PCDHGA1: variants seen among roughly 807,000 people sequenced by gnomAD.
PCDHGA1 encodes protocadherin gamma subfamily A, 1, also known as protocadherin gamma-A1.
PCDHGA1 carries 32 observed loss-of-function variants against 58.0 expected under a neutral mutation model. The ratio of observed to expected loss-of-function variants is 0.55; its 90% CI spans 0.42 to 0.74. The LOEUF (loss-of-function observed/expected upper bound fraction) is 0.74. Among genes scored for constraint, PCDHGA1 ranks in the 30% least tolerant of loss-of-function variants. The pLI is 0.00. For synonymous variants in PCDHGA1, 498 were observed against 501.1 expected, an observed-to-expected ratio of 0.99 and a Z score of 0.08; for missense variants, 1,205 against 1,182.3, an observed-to-expected ratio of 1.02 and a Z score of -0.28.
chr5:141,360,110 G>C, intron 1 of PCDHGA1: 1 of 1,563,268 alleles, frequency 6.4e-7, no homozygotes, highest in Non-Finnish European at 8.7e-7. Flanking sequence ...TCCTCCTATG[G>C]GCAAAGGAGC....
intron 1 of PCDHGA1, chr5:141,385,196 G>C (rs760255338): frequency 3.7e-5 from 60 of 1,614,112 alleles, no homozygotes; most frequent in Non-Finnish European, 5.1e-5. Flanking sequence ...TCTCGGAAGA[G>C]TCACCTGATC....
At chr5:141,376,180 G>T (rs113596971) in intron 1 of PCDHGA1, 6 of 1,614,100 alleles carry the variant, frequency 3.7e-6, no homozygotes, top group East Asian at 2.2e-5. Context: ...CGGTGGCCGC[G>T]GTCTCCTGCG....
Position 141,345,686 on chromosome 5 carries a change from C to T in PCDHGA1, c.2421+12581C>T, listed in dbSNP as rs1470833777. The T allele has an allele frequency of 5.6e-6, 9 of 1,614,238 alleles. No individual in the cohort carries two copies. The Middle Eastern group carries it at 4.9e-4, about 89-fold the overall frequency. On this transcript the variant is annotated intron_variant, in intron 1 of 3. Coordinates refer to ENST00000517417, the MANE Select transcript of PCDHGA1 (RefSeq NM_018912.3). ...GCAGCAACGTGTCGCTGAACCTGTTCGTGCTGGACCAGAACGACAACGCGC... is the reference window on the plus strand; with the variant it reads ...GCAGCAACGTGTCGCTGAACCTGTTTGTGCTGGACCAGAACGACAACGCGC...
chr5:141,362,218 G>T, intron 1 of PCDHGA1: 1 of 1,614,032 alleles, frequency 6.2e-7, no homozygotes, highest in South Asian at 1.1e-5. Context: ...CCTGGTTGTG[G>T]CCTTGGCCTT....
intron 1 of PCDHGA1, chr5:141,343,972 G>A: frequency 7.2e-7 from 1 of 1,390,454 alleles, no homozygotes; most frequent in Non-Finnish European, 9.7e-7. Context: ...GAGAAAATAA[G>A]ATTGGAGTCC....
Position 141,432,224 on chromosome 5 carries a change from T to C in PCDHGA1, c.2422-62583T>C. On this transcript the variant is annotated intron_variant, in intron 1 of 3. Transcript: ENST00000517417. The surrounding 1 kb of genome is among the most constrained non-coding windows in gnomAD (Gnocchi z 6.0). The stretch of plus-strand genomic sequence containing the variant: ...CTGTGAAGAGAACGCCCAGATCACT[T>C]ATTCCCTGGCTGAGAACACCATCCA... 6.2e-7 allele frequency: 1 copy of C among 1,614,138 alleles called. No homozygotes were observed. Among genetic ancestry groups the C allele is most frequent in the Non-Finnish European group, 8.5e-7 (1 of 1,180,024 alleles).
In PCDHGA1 at chr5:141,487,072, T is replaced by C. The variant is rs754589618; in HGVS notation, c.2422-7735T>C. On this transcript the variant is annotated intron_variant, in intron 1 of 3. Coordinates refer to ENST00000517417, the MANE Select transcript of PCDHGA1 (RefSeq NM_018912.3). This position sits in a 1 kb window ranked among gnomAD's most constrained non-coding sequence, Gnocchi z 5.0. ...CTGGGGAGGTGCGGACGGCTGTTCCTATCCCAGCTGACCTCCCACCACAGA... is the reference window on the plus strand; with the variant it reads ...CTGGGGAGGTGCGGACGGCTGTTCCCATCCCAGCTGACCTCCCACCACAGA... 8.1e-6 allele frequency: 13 copies of C among 1,614,010 alleles called. No homozygotes were observed. Among genetic ancestry groups the C allele is most frequent in the Non-Finnish European group, 1.1e-5 (13 of 1,179,966 alleles).
chr5:141,390,479 T>C lies in PCDHGA1; in HGVS notation c.2421+57374T>C, dbSNP rs143576019. On this transcript the variant is annotated intron_variant, in intron 1 of 3. Coordinates refer to ENST00000517417, the MANE Select transcript of PCDHGA1 (RefSeq NM_018912.3). Reference sequence around the variant, plus strand: ...GTAGGAGCAATTGTGTGGCCCAACATTTGTTTGTTTTTTAGCCAAGCTTAG... The same window carrying C: ...GTAGGAGCAATTGTGTGGCCCAACACTTGTTTGTTTTTTAGCCAAGCTTAG... 1.6e-3 allele frequency: 1,064 copies of C among 668,890 alleles called. 6 individuals are homozygous for C. The highest frequency in any genetic ancestry group is 0.016 in the African/African-American group (871 of 55,142). The allele number at this position is 668,890 out of a possible 1,614,324, so 41.4% of individuals were successfully genotyped here.
intron 1 of PCDHGA1, chr5:141,340,618 C>G: frequency 6.2e-7 from 1 of 1,614,204 alleles, no homozygotes; most frequent in East Asian, 2.2e-5. Context: ...TATCATTAAG[C>G]CTGTTCGTGC....
At chr5:141,415,508 A>G in intron 1 of PCDHGA1, 2 of 1,614,168 alleles carry the variant, frequency 1.2e-6, no homozygotes, top group Non-Finnish European at 1.7e-6. Flanking sequence ...CCCCAGCCCA[A>G]TTATGCGGAC....
At chr5:141,500,728 T>C (rs556463739) in intron 2 of PCDHGA1, among the ~76,000 whole-genome samples, 1 of 152,310 alleles carries the variant, frequency 6.6e-6, no homozygotes, top group South Asian at 2.1e-4. Context: ...CCCATGTCTT[T>C]CAAAATTCTT....
At chr5:141,498,954 A>G (rs1180380627) in intron 2 of PCDHGA1, among the ~76,000 whole-genome samples, 2 of 134,538 alleles carry the variant, frequency 1.5e-5, no homozygotes, top group Non-Finnish European at 3.2e-5. Context: ...AGAAAAAGAG[A>G]GAGAGGGAGG....
Position 141,332,469 on chromosome 5 carries a change from C to T in PCDHGA1, c.1785C>T (p.Asp595=). ...GYLVTKVVAV[D]RDSGQNAWLS... The stretch of plus-strand genomic sequence containing the variant: ...TGGTGACCAAGGTGGTGGCGGTGGA[C>T]AGAGACTCGGGCCAGAACGCCTGGC... The change falls in exon 1 of 4, where the codon GAC becomes GAT. Residue 595 remains aspartate (D), a synonymous_variant. Coordinates refer to ENST00000517417, the MANE Select transcript of PCDHGA1 (RefSeq NM_018912.3). The surrounding 1 kb of genome is among the most constrained non-coding windows in gnomAD (Gnocchi z 4.6). 6.2e-7 allele frequency: 1 copy of T among 1,613,546 alleles called. No individual in the cohort carries two copies. The highest frequency in any genetic ancestry group is 8.5e-7 in the Non-Finnish European group (1 of 1,180,036).
At position 141,422,630 on chromosome 5, in the gene PCDHGA1, G is replaced by A. The variant is rs1193466428; in HGVS notation, c.2422-72177G>A. 5 of 1,613,176 alleles carry A rather than the reference G, an allele frequency of 3.1e-6. No homozygotes were observed. The Admixed American group carries it at 8.3e-5, about 27-fold the overall frequency. On this transcript the variant is annotated intron_variant, in intron 1 of 3. Coordinates refer to ENST00000517417, the MANE Select transcript of PCDHGA1 (RefSeq NM_018912.3). ...GCCTACATTCCCGAAAACAACCCCA[G>A]GGGTGCCTCCATCTTCTCAGTGACC...
intron 1 of PCDHGA1, chr5:141,346,643 G>A (rs932288784): frequency 2.4e-6 from 2 of 850,414 alleles, no homozygotes; most frequent in Admixed American, 5.9e-5. Flanking sequence ...TTATGGTTGA[G>A]TGGGCTTAGG....
chr5:141,483,661 T>TGTGTGA (rs1357903548), intron 1 of PCDHGA1, among the ~76,000 whole-genome samples: 7 of 152,042 alleles, frequency 4.6e-5, no homozygotes, highest in African/African-American at 1.7e-4. Context: ...TGTGTGTGTG[T>TGTGTGA]GTGTGTGTAA....
Position 141,330,585 on chromosome 5 carries a change from C to T in PCDHGA1, c.-100C>T, listed in dbSNP as rs1269182451. The T allele has an allele frequency of 7.8e-6, 10 of 1,277,692 alleles. No individual in the cohort carries two copies. 79.1% of individuals were successfully genotyped at this position (1,277,692 alleles called of 1,614,324 possible). The stretch of plus-strand genomic sequence containing the variant: ...TAAATCCTACTTCTGGATGACTCTC[C>T]AGTCAGAATTCTCCTGAAAATTGGG... On this transcript the variant is annotated 5_prime_UTR_variant, in exon 1 of 4. It introduces an in-frame stop codon into an upstream open reading frame of the 5' UTR. Transcript: ENST00000517417.
rs978109236 is a variant in PCDHGA1, at chr5:141,418,889, A to G, written c.2422-75918A>G. 1.9e-6 allele frequency: 3 copies of G among 1,614,020 alleles called. No homozygotes were observed. The African/African-American group carries it at 4.0e-5, about 21-fold the overall frequency. On this transcript the variant is annotated intron_variant, in intron 1 of 3. Coordinates refer to ENST00000517417, the MANE Select transcript of PCDHGA1 (RefSeq NM_018912.3). Reference sequence around the variant, plus strand: ...AGAAGTTGTAGACGAAAACGACAACAGCCCAGAAATAATCATCACGTCACT... The same window carrying G: ...AGAAGTTGTAGACGAAAACGACAACGGCCCAGAAATAATCATCACGTCACT...
At position 141,408,836 on chromosome 5, in the gene PCDHGA1, T is replaced by C. The variant is rs772595834; in HGVS notation, c.2421+75731T>C. The C allele has an allele frequency of 5.0e-6, 8 of 1,613,680 alleles. No individual in the cohort carries two copies. In the South Asian group the frequency reaches 6.6e-5, roughly 13 times the overall value. ...AGAACAGAGATCTCATAGCTTGATA[T>C]TGACTGCCTTGGACGGAGGGGACCC... On this transcript the variant is annotated intron_variant, in intron 1 of 3. Transcript: ENST00000517417.
Sources: gnomAD v4.1 joint callset for allele counts (sites outside exome capture counted in the v4.1 genomes callset) on GRCh38, gnomAD v4.1.1 for gene constraint, Gnocchi (gnomAD v3.1) non-coding constraint, MANE v1.5 for transcripts, NCBI Gene and HGNC (gene_info 2026-07-23, HGNC 2026-07-21) for gene names.